ASAP1: variants seen among roughly 807,000 people sequenced by gnomAD.
ASAP1 encodes ArfGAP with SH3 domain, ankyrin repeat and PH domain 1.
In ASAP1, 43 loss-of-function variants were observed where a neutral mutation model predicts 145.2. The observed-to-expected ratio is 0.30, with a 90% CI of 0.23 to 0.38. The LOEUF is 0.38. ASAP1 is among the 10% of genes least tolerant of loss of function. The probability of loss-of-function intolerance (pLI) is 1.00; values close to 1 mark genes in which losing one functional copy is unlikely to be tolerated. For synonymous variants in ASAP1, 546 were observed against 515.5 expected, an observed-to-expected ratio of 1.06 and a Z score of -0.80; for missense variants, 1,018 against 1,355.3, an observed-to-expected ratio of 0.75 and a Z score of 3.91.
chr8:130,153,341 A>G (rs1171681306), intron 12 of ASAP1, among the ~76,000 whole-genome samples: 1 of 47,844 alleles, frequency 2.1e-5, no homozygotes, highest in African/African-American at 6.2e-5. Flanking sequence ...AAATATATAT[A>G]TATATATATA....
At chr8:130,276,744 T>A (rs1039332051) in intron 3 of ASAP1, among the ~76,000 whole-genome samples, 2 of 150,286 alleles carry the variant, frequency 1.3e-5, no homozygotes, top group South Asian at 2.1e-4. Context: ...TCTCTCTCTC[T>A]CTCTCTCTCT....
At chr8:130,223,034 G>C (rs1817385786) in intron 4 of ASAP1, among the ~76,000 whole-genome samples, 1 of 152,054 alleles carries the variant, frequency 6.6e-6, no homozygotes. Flanking sequence ...ATATAAAACA[G>C]GTCTAATAAC....
chr8:130,174,068 A>G (rs564011121), intron 9 of ASAP1, among the ~76,000 whole-genome samples: 3 of 132,112 alleles, frequency 2.3e-5, no homozygotes, highest in Non-Finnish European at 4.6e-5. Context: ...CACCTGGGTG[A>G]CAGAGTGGCA....
intron 3 of ASAP1, among the ~76,000 whole-genome samples, chr8:130,309,557 C>T (rs935053190): frequency 3.9e-5 from 6 of 152,154 alleles, no homozygotes; most frequent in African/African-American, 1.2e-4. Flanking sequence ...AAGACAGAGG[C>T]GTGACCAGGA....
chr8:130,402,649 G>A (rs147744579), intron 1 of ASAP1, among the ~76,000 whole-genome samples: 178 of 152,142 alleles, frequency 1.2e-3, no homozygotes, highest in African/African-American at 4.1e-3. Context: ...GCTCAATGTG[G>A]CATCTCCATC....
chr8:130,435,381 G>C (rs1830278211), intron 1 of ASAP1, among the ~76,000 whole-genome samples: 1 of 152,178 alleles, frequency 6.6e-6, no homozygotes, highest in Admixed American at 6.5e-5. Flanking sequence ...CCCTGTGCTA[G>C]ACTTGGTGCT....
chr8:130,078,677 A>G (rs1374378227), intron 26 of ASAP1, among the ~76,000 whole-genome samples: 6 of 152,086 alleles, frequency 3.9e-5, no homozygotes, highest in Non-Finnish European at 8.8e-5. Flanking sequence ...GGGTCCCCCA[A>G]ATTAGGGTTG....
intron 18 of ASAP1, among the ~76,000 whole-genome samples, chr8:130,120,303 C>T (rs553223691): frequency 3.0e-4 from 45 of 152,354 alleles, no homozygotes; most frequent in Non-Finnish European, 5.4e-4. Flanking sequence ...AAGGCAGCTA[C>T]TGTGTTGATG....
chr8:130,273,496 G>T lies in ASAP1; in HGVS notation c.187-36502C>A, dbSNP rs145464086. Among the ~76,000 whole-genome samples the T allele has an allele frequency of 3.3e-5, 5 of 152,268 alleles. No individual in the cohort carries two copies. The East Asian group carries it at 7.7e-4, about 23-fold the overall frequency. On this transcript the variant is annotated intron_variant, in intron 3 of 29. Transcript: ENST00000518721. ...AAAATAAACCACATCCAATACACTGGCTGTGCATCAGAATTACTTGGGAAA... is the reference window on the plus strand; with the variant it reads ...AAAATAAACCACATCCAATACACTGTCTGTGCATCAGAATTACTTGGGAAA...
At chr8:130,424,809 C>T (rs920215728) in intron 1 of ASAP1, among the ~76,000 whole-genome samples, 2 of 151,852 alleles carry the variant, frequency 1.3e-5, no homozygotes, top group African/African-American at 2.4e-5. Context: ...TTGGCTAACA[C>T]GATGAAACCC....
intron 5 of ASAP1, among the ~76,000 whole-genome samples, chr8:130,212,022 G>A (rs772974820): frequency 6.6e-5 from 10 of 152,148 alleles, no homozygotes; most frequent in Non-Finnish European, 1.2e-4. Context: ...TGACCCCCTC[G>A]GGGTGAGTTG....
chr8:130,292,766 G>C (rs1442502547), intron 3 of ASAP1, among the ~76,000 whole-genome samples: 1 of 152,126 alleles, frequency 6.6e-6, no homozygotes, highest in Non-Finnish European at 1.5e-5. Flanking sequence ...GGAATTTTAA[G>C]ACCTCAGTTC....
intron 3 of ASAP1, among the ~76,000 whole-genome samples, chr8:130,333,294 T>C (rs1824813545): frequency 6.6e-6 from 1 of 152,210 alleles, no homozygotes; most frequent in South Asian, 2.1e-4. Context: ...TTTTCATCTT[T>C]ATTTCTATAG....
At chr8:130,276,937 T>C (rs539297205) in intron 3 of ASAP1, among the ~76,000 whole-genome samples, 3 of 152,192 alleles carry the variant, frequency 2.0e-5, no homozygotes, top group African/African-American at 7.2e-5. Context: ...TGGCAGACGA[T>C]GGAAGGACTC....
intron 2 of ASAP1, among the ~76,000 whole-genome samples, chr8:130,373,111 T>TACACACACACAC (rs367719682): frequency 1.1e-5 from 1 of 94,108 alleles, no homozygotes; most frequent in Non-Finnish European, 2.1e-5. Flanking sequence ...GAAATACATA[T>TACACACACACAC]ACACACACAC....
At chr8:130,382,395 C>A (rs1403525482) in intron 2 of ASAP1, among the ~76,000 whole-genome samples, 1 of 151,786 alleles carries the variant, frequency 6.6e-6, no homozygotes, top group African/African-American at 2.4e-5. Flanking sequence ...AGCTTCTAGA[C>A]CAATGCTCAG....
intron 5 of ASAP1, among the ~76,000 whole-genome samples, chr8:130,194,392 A>AG (rs952324407): frequency 6.6e-5 from 10 of 152,308 alleles, no homozygotes; most frequent in African/African-American, 2.4e-4. Context: ...AAAAAAAAAA[A>AG]AATCCTTTCT....
chr8:130,141,292 T>C lies in ASAP1; in HGVS notation c.1081-4254A>G, dbSNP rs146970347. Among the ~76,000 whole-genome samples the C allele has an allele frequency of 7.0e-3, 1,058 of 152,224 alleles. 2 individuals are homozygous for C. The highest frequency in any genetic ancestry group is 0.028 in the South Asian group (137 of 4,814). ...CCTCCAGGCACCAATCGCAGGCCCC[T>C]TCTCGCACTCAGCTCCTGTCACTCT... On this transcript the variant is annotated intron_variant, in intron 13 of 29. Coordinates refer to ENST00000518721, the MANE Select transcript of ASAP1 (RefSeq NM_018482.4).
chr8:130,079,842 G>A, intron 26 of ASAP1, 60 bp downstream of exon 26: 1 of 1,530,778 alleles, frequency 6.5e-7, no homozygotes, highest in Non-Finnish European at 9.0e-7. Flanking sequence ...CTCATTTCTA[G>A]AATTCTGTCC....
Sources: allele counts gnomAD v4.1 joint callset (sites outside exome capture counted in the v4.1 genomes callset), GRCh38; gene constraint gnomAD v4.1.1; transcripts MANE v1.5; gene names NCBI Gene and HGNC (gene_info 2026-07-23, HGNC 2026-07-21).